CYRIA: variants seen among roughly 807,000 people sequenced by gnomAD.
The protein encoded by CYRIA is CYFIP related Rac1 interactor A.
Under a neutral mutation model 43.9 loss-of-function variants are expected in CYRIA, and 15 were observed. The ratio of observed to expected loss-of-function variants is 0.34; its 90% CI spans 0.23 to 0.53. The LOEUF is 0.53. Among genes scored for constraint, CYRIA ranks in the 20% least tolerant of loss-of-function variants. The pLI is 0.94. For missense variants in CYRIA, 236 were observed against 394.2 expected (o/e 0.60, Z 3.40); for synonymous variants, 117 against 136.0 (o/e 0.86, Z 0.97).
intron 1 of CYRIA, among the ~76,000 whole-genome samples, chr2:16,663,534 C>T (rs1670317982): frequency 6.6e-6 from 1 of 151,584 alleles, no homozygotes; most frequent in South Asian, 2.1e-4. Flanking sequence ...CAGTGGGTGC[C>T]CCTATGGCCC....
intron 1 of CYRIA, among the ~76,000 whole-genome samples, chr2:16,635,093 T>C (rs1363924447): frequency 2.0e-5 from 3 of 152,186 alleles, no homozygotes; most frequent in Non-Finnish European, 4.4e-5. Context: ...AAGAGCACTT[T>C]GGTAAATGTA....
chr2:16,652,969 A>C (rs1670014267), intron 1 of CYRIA, among the ~76,000 whole-genome samples: 1 of 152,250 alleles, frequency 6.6e-6, no homozygotes, highest in South Asian at 2.1e-4. Context: ...AAAAAATCAC[A>C]AATAATATTT....
rs189472884 is a variant in CYRIA at position 16,618,703 on chromosome 2, G to A, written c.-11+5161C>T. ...GTTTAGAGATGATTCTGTAAGGAGGGATGGCTGCCCAGTCTCTAGAAGTAG... is the reference window on the plus strand; with the variant it reads ...GTTTAGAGATGATTCTGTAAGGAGGAATGGCTGCCCAGTCTCTAGAAGTAG... On this transcript the variant is annotated intron_variant, in intron 2 of 11. Coordinates refer to ENST00000381323, the MANE Select transcript of CYRIA (RefSeq NM_030797.4). Among the ~76,000 whole-genome samples, 9 of 152,324 alleles carry A rather than the reference G, an allele frequency of 5.9e-5. No homozygotes were observed. In the East Asian group the frequency reaches 1.5e-3, roughly 26 times the overall value.
chr2:16,563,013 A>G (rs929395480), intron 5 of CYRIA, among the ~76,000 whole-genome samples: 1 of 152,122 alleles, frequency 6.6e-6, no homozygotes, highest in African/African-American at 2.4e-5. Flanking sequence ...CTTTTATAGC[A>G]TTTCTACCGG....
chr2:16,591,599 G>C lies in CYRIA; in HGVS notation c.-10-3470C>G, dbSNP rs147185000. 4.6e-3 allele frequency among the ~76,000 whole-genome samples: 698 copies of C among 152,154 alleles called. 8 individuals are homozygous for C. The highest frequency in any genetic ancestry group is 0.016 in the African/African-American group (667 of 41,512). ...ATGGGTGGCAGAGTAGCTTGGTTAGGGTGTACTCTGAAGGGCTGGGAACTC... is the reference window on the plus strand; with the variant it reads ...ATGGGTGGCAGAGTAGCTTGGTTAGCGTGTACTCTGAAGGGCTGGGAACTC... On this transcript the variant is annotated intron_variant, in intron 2 of 11. Transcript: ENST00000381323.
intron 1 of CYRIA, among the ~76,000 whole-genome samples, 163 bp downstream of exon 1, chr2:16,665,617 C>G (rs1471723682): frequency 1.3e-5 from 2 of 151,698 alleles, no homozygotes; most frequent in African/African-American, 4.8e-5. Context: ...GTCCTCCGCT[C>G]TCCCTCCCTC....
intron 2 of CYRIA, among the ~76,000 whole-genome samples, chr2:16,620,954 T>G (rs1484172965): frequency 2.6e-5 from 4 of 152,182 alleles, no homozygotes; most frequent in Non-Finnish European, 5.9e-5. Flanking sequence ...CCCAAGAAGC[T>G]TCCATGGTTC....
intron 1 of CYRIA, among the ~76,000 whole-genome samples, chr2:16,639,885 G>A (rs1236192601): frequency 6.6e-6 from 1 of 152,230 alleles, no homozygotes; most frequent in South Asian, 2.1e-4. Context: ...TGGCTCTGCT[G>A]TTCTTTGCCT....
intron 2 of CYRIA, among the ~76,000 whole-genome samples, chr2:16,606,487 A>G (rs1668401602): frequency 1.3e-5 from 2 of 152,078 alleles, no homozygotes; most frequent in South Asian, 4.2e-4. Flanking sequence ...GGAATGTCAC[A>G]TATACAACTA....
At chr2:16,572,246 C>G (rs143857911) in intron 3 of CYRIA, among the ~76,000 whole-genome samples, 14 of 152,280 alleles carry the variant, frequency 9.2e-5, no homozygotes, top group African/African-American at 3.4e-4. Context: ...TAAGAATAGC[C>G]TGTCTCCTCC....
intron 2 of CYRIA, among the ~76,000 whole-genome samples, chr2:16,610,631 C>T (rs1303645395): frequency 1.3e-5 from 2 of 152,028 alleles, no homozygotes; most frequent in Admixed American, 1.3e-4. Flanking sequence ...AAAGTTGAGA[C>T]TCAAAAATCC....
intron 1 of CYRIA, among the ~76,000 whole-genome samples, chr2:16,632,733 CA>C (rs1669366595): frequency 6.6e-6 from 1 of 152,166 alleles, no homozygotes; most frequent in South Asian, 2.1e-4. Context: ...GCACCCATGA[CA>C]GCTGGGAGCC....
intron 3 of CYRIA, among the ~76,000 whole-genome samples, chr2:16,577,239 A>G (rs1667384457): frequency 6.6e-6 from 1 of 152,174 alleles, no homozygotes; most frequent in African/African-American, 2.4e-5. Flanking sequence ...ATTCTTATTA[A>G]GGTAAAAAAA....
chr2:16,558,535 T>G (rs960926224), intron 10 of CYRIA, among the ~76,000 whole-genome samples: 1 of 152,212 alleles, frequency 6.6e-6, no homozygotes, highest in Middle Eastern at 3.4e-3. Context: ...TTTAAAGGCT[T>G]TAAATGAGTA....
chr2:16,616,305 C>G (rs1422883481), intron 2 of CYRIA, among the ~76,000 whole-genome samples: 3 of 152,230 alleles, frequency 2.0e-5, no homozygotes, highest in African/African-American at 7.2e-5. Context: ...ACTGCTCACA[C>G]TAGCACCAAA....
At chr2:16,653,014 A>T (rs532369441) in intron 1 of CYRIA, among the ~76,000 whole-genome samples, 41 of 152,336 alleles carry the variant, frequency 2.7e-4, no homozygotes, top group Non-Finnish European at 4.6e-4. Flanking sequence ...AATAAATAGG[A>T]GCAGAAGTCT....
intron 7 of CYRIA, 22 bp from the exon 8 acceptor site, chr2:16,561,299 G>T (rs1271086350): frequency 6.4e-7 from 1 of 1,568,234 alleles, no homozygotes; most frequent in Non-Finnish European, 8.8e-7. Context: ...AAGAAGAGAA[G>T]ATGGATTTAT....
At chr2:16,659,043 G>A (rs1476458791) in intron 1 of CYRIA, among the ~76,000 whole-genome samples, 2 of 152,230 alleles carry the variant, frequency 1.3e-5, no homozygotes, top group South Asian at 2.1e-4. Context: ...GGTGGGCTGA[G>A]CAAAGGACAC....
chr2:16,593,066 C>G (rs1667984227), intron 2 of CYRIA, among the ~76,000 whole-genome samples: 1 of 152,114 alleles, frequency 6.6e-6, no homozygotes. Context: ...CTTGTCAGGA[C>G]TAAATGAACT....
Sources: gnomAD v4.1 joint callset for allele counts (sites outside exome capture counted in the v4.1 genomes callset) on GRCh38, gnomAD v4.1.1 for gene constraint, MANE v1.5 for transcripts, NCBI Gene and HGNC (gene_info 2026-07-23, HGNC 2026-07-21) for gene names.